MUC3A: variants seen among roughly 807,000 people sequenced by gnomAD.
MUC3A encodes mucin 3A, cell surface associated, also known as mucin-3A.
A neutral mutation model predicts 109.0 loss-of-function variants in MUC3A; 109 were observed. That is an observed-to-expected ratio of 1.00 (90% CI 0.86 to 1.17). The LOEUF (loss-of-function observed/expected upper bound fraction) is 1.17, where lower values mean the gene tolerates loss of function less well. Among genes scored for constraint, MUC3A ranks in the 50% most tolerant of loss-of-function variants. MUC3A has a pLI of 0.00. For missense variants in MUC3A, 3,537 were observed against 2,469.4 expected, an observed-to-expected ratio of 1.43 and a Z score of -9.16; for synonymous variants, 1,398 against 981.4, an observed-to-expected ratio of 1.42 and a Z score of -7.93.
chr7:100,959,434 G>T lies in MUC3A; in HGVS notation c.7655G>T (p.Arg2552Ile). ...GTTSPTMSTV[R>I]MTLRITENTP... ...ACCTCTCCCACCATGTCCACTGTGA[G>T]AATGACCCTCAGAATTACTGAGAAC... Residue 2552 changes from arginine (R) to isoleucine (I), a missense_variant, in exon 2 of 12, where the codon AGA (arginine) becomes ATA (isoleucine). By Grantham distance (97) the Arg-to-Ile change is moderately conservative. Coordinates refer to ENST00000379458, the MANE Select transcript of MUC3A (RefSeq NM_005960.2). 3 of 1,544,644 alleles carry T rather than the reference G, an allele frequency of 1.9e-6. No individual in the cohort carries two copies. The South Asian group carries it at 3.8e-5, about 20-fold the overall frequency.
In MUC3A at chr7:100,966,417, G is replaced by C; in HGVS notation, c.9643G>C (p.Gly3215Arg). 2 of 1,350,468 alleles carry C rather than the reference G, an allele frequency of 1.5e-6. No individual in the cohort carries two copies. The highest frequency in any genetic ancestry group is 2.4e-5 in the South Asian group (1 of 40,992). 83.7% of individuals were successfully genotyped at this position (1,350,468 alleles called of 1,614,324 possible). ...CTCCACCGACACGCACTGGTTCTCT[G>C]GCCCGCGCTGCGAGGTGGCCGTCCA... Reference protein sequence around the residue: ...CYSTDTHWFSGPRCEVAVHWR... With the variant: ...CYSTDTHWFSRPRCEVAVHWR... The change falls in exon 9 of 12, where the codon GGC becomes CGC. Residue 3215 changes from glycine to arginine, a missense_variant. By Grantham distance (125) the Gly-to-Arg change is moderately radical (BLOSUM62 -2). Transcript: ENST00000379458.
Position 100,963,196 on chromosome 7 carries a change from A to T in MUC3A, c.9098A>T (p.Gln3033Leu). The stretch of plus-strand genomic sequence containing the variant: ...GGCATGGAAGTGTCTGTGGATCAGC[A>T]GTTCTCGCCGGACCTCAATGACAAC... ...EVGMEVSVDQ[Q>L]FSPDLNDNTS... Residue 3033 changes from glutamine (Q) to leucine (L), a missense_variant, in exon 4 of 12, where the codon CAG becomes CTG. Physicochemically the swap from Gln to Leu is moderately radical, Grantham distance 113. Transcript: ENST00000379458. The T allele has an allele frequency of 6.3e-7, 1 of 1,598,364 alleles. No homozygotes were observed. Among genetic ancestry groups the T allele is most frequent in the Non-Finnish European group, 8.5e-7 (1 of 1,179,764 alleles).
chr7:100,957,412 CTCTCCTCACCACAGTAACA>C lies in MUC3A; in HGVS notation c.5634_5652del (p.Leu1879ProfsTer9). On this transcript the variant is annotated frameshift_variant, in exon 2 of 12. Transcript: ENST00000379458. LOFTEE classifies it high-confidence loss of function. ...ACCTCTCTTCGACCCACCTCTTCCT[CTCTCCTCACCACAGTAACA>C]GCCACAGTTCCAACAACAAACTTGG... is the stretch of plus-strand genomic sequence containing the variant. The C allele has an allele frequency of 1.1e-6, 1 of 933,330 alleles. No individual in the cohort carries two copies. Among genetic ancestry groups the C allele is most frequent in the Non-Finnish European group, 1.6e-6 (1 of 616,630 alleles). The allele number at this position is 933,330 out of a possible 1,614,324, so 57.8% of individuals were successfully genotyped here.
At chr7:100,966,281 C>A (rs1330320566) in intron 8 of MUC3A, 105 bp from the exon 9 acceptor site, 1 of 909,050 alleles carries the variant, frequency 1.1e-6, no homozygotes, top group Non-Finnish European at 1.3e-6. Flanking sequence ...CCCCCGCTGC[C>A]CTAGGCTGGA....
rs779187503 is a variant in MUC3A at position 100,960,356 on chromosome 7, A to G, written c.8577A>G (p.Thr2859=). The G allele has an allele frequency of 6.3e-7, 1 of 1,598,430 alleles. No individual in the cohort carries two copies. Among genetic ancestry groups the G allele is most frequent in the African/African-American group, 1.3e-5 (1 of 74,964 alleles). ...GCACTGGGACTGTACCCACAAACAC[A>G]GTTTTCACAAGTACTCGACTGCCCA... ...STGTGTVPTN[T]VFTSTRLPTS... Residue 2859 remains threonine (T), a synonymous_variant, in exon 2 of 12, where the codon ACA becomes ACG. Transcript: ENST00000379458.
At chr7:100,963,303 T>TTTTTTTTGA (rs1554459579) in intron 4 of MUC3A, 37 bp downstream of exon 4, 24 of 1,393,014 alleles carry the variant, frequency 1.7e-5, no homozygotes, top group South Asian at 3.8e-5. Flanking sequence ...TTTTTTTTTT[T>TTTTTTTTGA]GAGGTGTAGT....
chr7:100,950,677 C>G (rs991198249), intron 1 of MUC3A, among the ~76,000 whole-genome samples: 2 of 152,304 alleles, frequency 1.3e-5, no homozygotes, highest in African/African-American at 4.8e-5. Context: ...CCCTGACACC[C>G]CCGACAGCCG....
chr7:100,952,489 A>T lies in MUC3A; in HGVS notation c.710A>T (p.His237Leu). ...ERTPLPTGSI[H>L]TTTSPTPVFT... The stretch of plus-strand genomic sequence containing the variant: ...ACTCCCCTGCCCACTGGAAGCATCC[A>T]TACAACCACGTCCCCAACCCCAGTA... The change falls in exon 2 of 12, where the codon CAT (histidine) becomes CTT (leucine). Residue 237 changes from histidine (H) to leucine (L), a missense_variant. Physicochemically the swap from His to Leu is moderately conservative, Grantham distance 99. Coordinates refer to ENST00000379458, the MANE Select transcript of MUC3A (RefSeq NM_005960.2). 1 of 1,598,500 alleles carries T rather than the reference A, an allele frequency of 6.3e-7. No homozygotes were observed. The highest frequency in any genetic ancestry group is 1.1e-5 in the South Asian group (1 of 91,074).
At position 100,959,413 on chromosome 7, in the gene MUC3A, C is replaced by T. The variant is rs1481867612; in HGVS notation, c.7634C>T (p.Ser2545Phe). 2 of 1,536,978 alleles carry T rather than the reference C, an allele frequency of 1.3e-6. No homozygotes were observed. Among genetic ancestry groups the T allele is most frequent in the South Asian group, 1.3e-5 (1 of 78,278 alleles). The change falls in exon 2 of 12, where the codon TCT becomes TTT. Residue 2545 changes from serine (S) to phenylalanine (F), a missense_variant. Ser to Phe is a radical substitution (Grantham distance 155, BLOSUM62 -2). Coordinates refer to ENST00000379458, the MANE Select transcript of MUC3A (RefSeq NM_005960.2). ...ACCTCATCCCTTGTGGGCACCACCT[C>T]TCCCACCATGTCCACTGTGAGAATG... The part of the protein sequence containing the change: ...TETSSLVGTT[S>F]PTMSTVRMTL...
intron 5 of MUC3A, chr7:100,964,284 G>GTAATAA (rs10675342): frequency 0.16 from 25,321 of 155,994 alleles, no homozygotes; most frequent in East Asian, 0.26. Context: ...AGTAAAAATA[G>GTAATAA]TAATAATAAT....
chr7:100,962,378 A>G (rs1451378620), intron 3 of MUC3A, among the ~76,000 whole-genome samples: 1 of 152,286 alleles, frequency 6.6e-6, no homozygotes, highest in Non-Finnish European at 1.5e-5. Flanking sequence ...TGATCCCCCT[A>G]TTGCACTTCA....
chr7:100,966,288 T>A, intron 8 of MUC3A, 98 bp from the exon 9 acceptor site: 1 of 1,007,092 alleles, frequency 9.9e-7, no homozygotes, highest in Non-Finnish European at 1.2e-6. Context: ...TGCCCTAGGC[T>A]GGAGCCCCGC....
Position 100,966,676 on chromosome 7 carries a change from G to C in MUC3A, c.9810G>C (p.Trp3270Cys). ...RGRSWDQDRK[W>C]FETWDEEVVG... ...GGTCCTGGGACCAGGACAGGAAATG[G>C]TTCGAGACCTGGGATGAGGAAGTCG... Residue 3270 changes from tryptophan to cysteine, a missense_variant, in exon 10 of 12, where the codon TGG becomes TGC. Trp to Cys is a radical substitution (Grantham distance 215). Transcript: ENST00000379458. 6.3e-7 allele frequency: 1 copy of C among 1,598,558 alleles called. No individual in the cohort carries two copies. The highest frequency in any genetic ancestry group is 8.5e-7 in the Non-Finnish European group (1 of 1,179,834).
In MUC3A at chr7:100,957,553, C is replaced by A; in HGVS notation, c.5774C>A (p.Thr1925Asn). Residue 1925 changes from threonine (T) to asparagine (N), a missense_variant, in exon 2 of 12, where the codon ACT becomes AAT. Thr to Asn is a moderately conservative substitution (Grantham distance 65, BLOSUM62 0). Transcript: ENST00000379458. ...CCCTCACACAGTACTCCCAGATTCA[C>A]TTCTTCAATCACCACTACCGAGACC... is the stretch of plus-strand genomic sequence containing the variant. ...ETPSHSTPRFTSSITTTETPS... is the reference protein window; with the variant it reads ...ETPSHSTPRFNSSITTTETPS... 4.5e-6 allele frequency: 7 copies of A among 1,570,288 alleles called. No homozygotes were observed.
chr7:100,960,839 G>C lies in MUC3A; in HGVS notation c.8954G>C (p.Arg2985Thr). The stretch of plus-strand genomic sequence containing the variant: ...GGGGACCGCTGTCAGCTCCAGACCA[G>C]ATGCCAGAATGGGGGTCAGTGGGAT... ...FSGDRCQLQTRCQNGGQWDGL... is the reference protein window; with the variant it reads ...FSGDRCQLQTTCQNGGQWDGL... Residue 2985 changes from arginine (R) to threonine (T), a missense_variant, in exon 3 of 12, where the codon AGA (arginine) becomes ACA (threonine). By Grantham distance (71) the Arg-to-Thr change is moderately conservative (BLOSUM62 -1). Transcript: ENST00000379458. 1.3e-6 allele frequency: 2 copies of C among 1,598,538 alleles called. No individual in the cohort carries two copies. Among genetic ancestry groups the C allele is most frequent in the Non-Finnish European group, 1.7e-6 (2 of 1,179,818 alleles).
In MUC3A at chr7:100,966,647, C is replaced by A. The variant is rs193087601; in HGVS notation, c.9786-5C>A. 1,063 of 1,597,894 alleles carry A rather than the reference C, an allele frequency of 6.7e-4. No individual in the cohort carries two copies. The African/African-American group carries it at 0.012, about 18-fold the overall frequency. Reference sequence around the variant, plus strand: ...TCTGTCTGACCGCGCGGCGGCCCCACCTAGGTCCTGGGACCAGGACAGGAA... The same window carrying A: ...TCTGTCTGACCGCGCGGCGGCCCCAACTAGGTCCTGGGACCAGGACAGGAA... On this transcript the variant is annotated splice_region_variant and splice_polypyrimidine_tract_variant and intron_variant, in intron 9 of 11. Coordinates refer to ENST00000379458, the MANE Select transcript of MUC3A (RefSeq NM_005960.2).
In MUC3A at chr7:100,958,584, G is replaced by T; in HGVS notation, c.6805G>T (p.Asp2269Tyr). The T allele has an allele frequency of 2.0e-5, 4 of 204,506 alleles. No individual in the cohort carries two copies. Among genetic ancestry groups the T allele is most frequent in the Middle Eastern group, 9.6e-4 (1 of 1,044 alleles). The allele number at this position is 204,506 out of a possible 1,614,324, so 12.7% of individuals were successfully genotyped here. A position where few individuals can be genotyped will look rare whatever the true frequency, so the allele number is the denominator to read the frequency against. The change falls in exon 2 of 12, where the codon GAT becomes TAT. Residue 2269 changes from aspartate (D) to tyrosine (Y), a missense_variant. By Grantham distance (160) the Asp-to-Tyr change is radical. Transcript: ENST00000379458. ...CACCACCACTGAGACCACCTCACAT[G>T]ATACTCCCAGCTTCACTTCTTCAAT... is the stretch of plus-strand genomic sequence containing the variant. ...SITTTETTSH[D>Y]TPSFTSSITT...
intron 7 of MUC3A, 116 bp from the exon 8 acceptor site, chr7:100,965,588 G>C (rs777425678): frequency 4.4e-3 from 6,661 of 1,500,002 alleles, no homozygotes; most frequent in Admixed American, 0.015. Flanking sequence ...CTACCCCACA[G>C]CATCCCACCT....
At chr7:100,963,868 G>A (rs1196041260) in intron 5 of MUC3A, 116 bp downstream of exon 5, 2 of 1,444,168 alleles carry the variant, frequency 1.4e-6, no homozygotes, top group African/African-American at 1.4e-5. Context: ...GGTGGAGGGG[G>A]TACATAAGGA....
Sources: allele counts gnomAD v4.1 joint callset (sites outside exome capture counted in the v4.1 genomes callset), GRCh38; gene constraint gnomAD v4.1.1; transcripts MANE v1.5; gene names NCBI Gene and HGNC (gene_info 2026-07-23, HGNC 2026-07-21).